The following FILIP1 variants were observed in gnomAD, a reference collection of about 807,000 sequenced individuals.
FILIP1 encodes filamin A interacting protein 1.
A neutral mutation model predicts 102.1 loss-of-function variants in FILIP1; 61 were observed. The ratio of observed to expected loss-of-function variants is 0.60; its 90% CI spans 0.49 to 0.74. FILIP1 has a LOEUF of 0.74. Among genes scored for constraint, FILIP1 ranks in the 30% least tolerant of loss-of-function variants. The probability of loss-of-function intolerance (pLI) is 0.00; values close to 1 mark genes in which losing one functional copy is unlikely to be tolerated. For missense variants in FILIP1, 1,314 were observed against 1,441.2 expected (o/e 0.91, Z 1.43); for synonymous variants, 491 against 526.9 (o/e 0.93, Z 0.93).
At chr6:75,375,311 G>A (rs886421944) in intron 2 of FILIP1, among the ~76,000 whole-genome samples, 4 of 152,236 alleles carry the variant, frequency 2.6e-5, no homozygotes, top group African/African-American at 9.6e-5. Flanking sequence ...CATGCTCTCA[G>A]TATAGACATC....
chr6:75,389,218 A>C (rs964936566), intron 2 of FILIP1, among the ~76,000 whole-genome samples: 2 of 152,226 alleles, frequency 1.3e-5, no homozygotes, highest in African/African-American at 2.4e-5. Flanking sequence ...CCAGGGATGA[A>C]GCTGACTTGA....
intron 2 of FILIP1, chr6:75,367,257 C>G (rs1354762720): frequency 6.6e-6 from 1 of 152,208 alleles, no homozygotes; most frequent in East Asian, 1.9e-4. Flanking sequence ...GAAAAAGAGG[C>G]TATGGTGATA....
chr6:75,318,308 T>A (rs1403525019), intron 4 of FILIP1, among the ~76,000 whole-genome samples: 2 of 150,914 alleles, frequency 1.3e-5, no homozygotes, highest in Admixed American at 1.3e-4. Flanking sequence ...TGATTATAGT[T>A]CACCGCAGCC....
downstream of FILIP1, among the ~76,000 whole-genome samples, chr6:75,305,743 C>T (rs1772966873): frequency 6.6e-6 from 1 of 152,070 alleles, no homozygotes; most frequent in Non-Finnish European, 1.5e-5. Context: ...ACCAGGGTCT[C>T]CTCTGTAGCT....
intron 1 of FILIP1, among the ~76,000 whole-genome samples, chr6:75,468,377 G>T (rs1334967309): frequency 6.6e-6 from 1 of 152,118 alleles, no homozygotes; most frequent in African/African-American, 2.4e-5. Flanking sequence ...TGTCAGAAAA[G>T]GACTTCAGAA....
intron 2 of FILIP1, among the ~76,000 whole-genome samples, chr6:75,411,283 A>G (rs1777059991): frequency 6.6e-6 from 1 of 151,992 alleles, no homozygotes; most frequent in African/African-American, 2.4e-5. Flanking sequence ...TTTCTTGTAA[A>G]CTTGTTTAAG....
At chr6:75,355,340 G>A (rs1325951498) in intron 3 of FILIP1, among the ~76,000 whole-genome samples, 2 of 151,214 alleles carry the variant, frequency 1.3e-5, no homozygotes, top group Non-Finnish European at 1.5e-5. Flanking sequence ...TAAAAAATCC[G>A]GAAATATTAT....
At chr6:75,445,664 T>C (rs1778422776) in intron 1 of FILIP1, among the ~76,000 whole-genome samples, 1 of 150,284 alleles carries the variant, frequency 6.7e-6, no homozygotes, top group Non-Finnish European at 1.5e-5. Context: ...TAGCACATCA[T>C]AGCCAACACA....
exon 7 of FILIP1, chr6:75,295,652 C>T: frequency 3.1e-6 from 1 of 320,798 alleles, no homozygotes; most frequent in Non-Finnish European, 5.6e-6. Flanking sequence ...ACAGCATGTG[C>T]CCATAGACCT....
At chr6:75,391,725 T>A (rs1426037704) in intron 2 of FILIP1, among the ~76,000 whole-genome samples, 1 of 152,196 alleles carries the variant, frequency 6.6e-6, no homozygotes, top group Non-Finnish European at 1.5e-5. Context: ...CTCATTAGCA[T>A]ACAAACATAC....
intron 1 of FILIP1, among the ~76,000 whole-genome samples, chr6:75,424,079 G>C (rs560721965): frequency 6.6e-6 from 1 of 152,220 alleles, no homozygotes; most frequent in African/African-American, 2.4e-5. Flanking sequence ...CTTCTTATAA[G>C]GAAAATGAGG....
chr6:75,464,254 A>G (rs1779105488), intron 1 of FILIP1, among the ~76,000 whole-genome samples: 1 of 152,212 alleles, frequency 6.6e-6, no homozygotes, highest in Non-Finnish European at 1.5e-5. Context: ...AGTGACTAAA[A>G]ATAGATTATT....
intron 6 of FILIP1, among the ~76,000 whole-genome samples, chr6:75,301,830 T>C (rs1466710767): frequency 2.6e-5 from 4 of 152,188 alleles, no homozygotes; most frequent in African/African-American, 9.7e-5. Context: ...TTTTCAGTTC[T>C]CTCAGGTATC....
intron 4 of FILIP1, among the ~76,000 whole-genome samples, chr6:75,349,529 ATTTC>A (rs1305126785): frequency 3.3e-5 from 5 of 152,190 alleles, no homozygotes; most frequent in Non-Finnish European, 7.3e-5. Flanking sequence ...AAAGGGAAGC[ATTTC>A]CGAAGCAAAG....
chr6:75,314,287 C>A lies in FILIP1; in HGVS notation c.1545G>T (p.Met515Ile). Residue 515 changes from methionine to isoleucine, a missense_variant, in exon 5 of 6, where the codon ATG (methionine) becomes ATT (isoleucine). Physicochemically the swap from Met to Ile is conservative, Grantham distance 10. Coordinates refer to ENST00000237172, the MANE Select transcript of FILIP1 (RefSeq NM_015687.5). ...TCTCTTCTTGTTTTATTTTTTCCATCATATTTTTCCTTTCATCAACCAGCA... is the reference window on the plus strand; with the variant it reads ...TCTCTTCTTGTTTTATTTTTTCCATAATATTTTTCCTTTCATCAACCAGCA... ...TVMLVDERKN[M>I]MEKIKQEERK... The A allele has an allele frequency of 6.5e-7, 1 of 1,535,484 alleles. No homozygotes were observed. Among genetic ancestry groups the A allele is most frequent in the Non-Finnish European group, 8.7e-7 (1 of 1,153,514 alleles).
intron 4 of FILIP1, 88 bp from the exon 5 acceptor site, chr6:75,315,290 A>G (rs936646228): frequency 2.5e-6 from 2 of 800,516 alleles, no homozygotes; most frequent in African/African-American, 3.6e-5. Context: ...AAAAGCCACT[A>G]CAATAAATCC....
chr6:75,453,121 C>T (rs1436049288), intron 1 of FILIP1, among the ~76,000 whole-genome samples: 2 of 152,218 alleles, frequency 1.3e-5, no homozygotes, highest in South Asian at 2.1e-4. Flanking sequence ...AGCTGGTCAT[C>T]TTGGATTACC....
intron 2 of FILIP1, among the ~76,000 whole-genome samples, chr6:75,401,931 A>G (rs1309091880): frequency 6.6e-6 from 1 of 152,216 alleles, no homozygotes; most frequent in East Asian, 1.9e-4. Context: ...TAATATTTAT[A>G]TATAATTTAG....
chr6:75,341,032 T>G (rs1582370381), intron 4 of FILIP1, among the ~76,000 whole-genome samples: 1 of 151,964 alleles, frequency 6.6e-6, no homozygotes, highest in Non-Finnish European at 1.5e-5. Context: ...CATATGAACT[T>G]TAGAATCCCT....
Sources: allele counts gnomAD v4.1 joint callset (sites outside exome capture counted in the v4.1 genomes callset), GRCh38; gene constraint gnomAD v4.1.1; transcripts MANE v1.5; gene names NCBI Gene and HGNC (gene_info 2026-07-23, HGNC 2026-07-21).